The following PTK2B variants were observed in gnomAD, a reference collection of about 807,000 sequenced individuals.
PTK2B encodes protein tyrosine kinase 2 beta, also known as protein-tyrosine kinase 2-beta.
A neutral mutation model predicts 142.9 loss-of-function variants in PTK2B; 71 were observed. The ratio of observed to expected loss-of-function variants is 0.50; its 90% CI spans 0.41 to 0.61. The LOEUF (loss-of-function observed/expected upper bound fraction) is 0.61. Among genes scored for constraint, PTK2B ranks in the 20% least tolerant of loss-of-function variants. The pLI, the probability that PTK2B is intolerant of heterozygous loss-of-function variation, is 0.00. For synonymous variants in PTK2B, 519 were observed against 503.4 expected, an observed-to-expected ratio of 1.03 and a Z score of -0.42; for missense variants, 1,105 against 1,320.4, an observed-to-expected ratio of 0.84 and a Z score of 2.53.
At chr8:27,328,942 C>CTTTTT (rs147983841) in intron 1 of PTK2B, among the ~76,000 whole-genome samples, 2 of 145,952 alleles carry the variant, frequency 1.4e-5, no homozygotes, top group African/African-American at 2.5e-5. Context: ...TGCGTGCAAC[C>CTTTTT]TTTTTTTTTT....
intron 1 of PTK2B, 34 bp from the exon 2 acceptor site, chr8:27,397,513 GC>G (rs1481162124): frequency 4.6e-6 from 7 of 1,530,714 alleles, no homozygotes; most frequent in Non-Finnish European, 2.7e-6. Flanking sequence ...CCTGTGTGGG[GC>G]TCTTTCAGGG....
intron 1 of PTK2B, among the ~76,000 whole-genome samples, chr8:27,386,879 G>GTTTT (rs574920006): frequency 7.0e-6 from 1 of 142,240 alleles, no homozygotes; most frequent in African/African-American, 2.6e-5. Flanking sequence ...AGTACCTGAG[G>GTTTT]TTTTTTTTTT....
intron 5 of PTK2B, among the ~76,000 whole-genome samples, chr8:27,428,220 G>A (rs1810201794): frequency 6.6e-6 from 1 of 152,118 alleles, no homozygotes; most frequent in Admixed American, 6.5e-5. Context: ...TGGAGCTCAG[G>A]CAATATAGCA....
At chr8:27,362,286 C>T (rs1337533988) in intron 1 of PTK2B, among the ~76,000 whole-genome samples, 2 of 152,220 alleles carry the variant, frequency 1.3e-5, no homozygotes, top group African/African-American at 4.8e-5. Flanking sequence ...CCCCTCTCCA[C>T]TTCCTGGGCG....
intron 1 of PTK2B, among the ~76,000 whole-genome samples, chr8:27,383,163 A>G (rs895537761): frequency 2.6e-5 from 4 of 152,150 alleles, no homozygotes; most frequent in Non-Finnish European, 5.9e-5. Context: ...GGTCATTTTA[A>G]CAATATTAAT....
chr8:27,387,402 C>T (rs17447286), intron 1 of PTK2B, among the ~76,000 whole-genome samples: 55,534 of 152,106 alleles, frequency 0.37, 11,087 homozygotes, highest in Middle Eastern at 0.5. Context: ...CTTCCTCTAG[C>T]TGTTACATTT....
chr8:27,365,217 T>C (rs1805949054), intron 1 of PTK2B, among the ~76,000 whole-genome samples: 1 of 152,198 alleles, frequency 6.6e-6, no homozygotes, highest in Non-Finnish European at 1.5e-5. Flanking sequence ...TGCTGCGTGG[T>C]ATTATTTGAT....
intron 1 of PTK2B, among the ~76,000 whole-genome samples, chr8:27,387,416 C>G (rs922727556): frequency 1.3e-5 from 2 of 152,216 alleles, no homozygotes; most frequent in African/African-American, 4.8e-5. Context: ...TACATTTCTT[C>G]TTAACGTTGA....
chr8:27,392,456 G>C (rs990478375), intron 1 of PTK2B, among the ~76,000 whole-genome samples: 2 of 152,120 alleles, frequency 1.3e-5, no homozygotes, highest in Admixed American at 1.3e-4. Context: ...TATTGCTTAC[G>C]AGGAACTCTC....
At chr8:27,313,795 A>G (rs756876223) in intron 3 of PTK2B, among the ~76,000 whole-genome samples, 20 of 152,146 alleles carry the variant, frequency 1.3e-4, no homozygotes, top group Non-Finnish European at 2.2e-4. Flanking sequence ...CTGATTACCA[A>G]TCTCAAGTGT....
At position 27,430,871 on chromosome 8, in the gene PTK2B, C is replaced by G. The variant is rs748543865; in HGVS notation, c.670-5C>G. 3 of 1,613,370 alleles carry G rather than the reference C, an allele frequency of 1.9e-6. No individual in the cohort carries two copies. Among genetic ancestry groups the G allele is most frequent in the Non-Finnish European group, 2.5e-6 (3 of 1,179,558 alleles). On this transcript the variant is annotated splice_region_variant and splice_polypyrimidine_tract_variant and intron_variant, in intron 7 of 30. Transcript: ENST00000346049. ...ATTGCTCACACGGCCCATCCCCTCCCCCAGCCCAAACAGTTCCGGAAGATG... is the reference window on the plus strand; with the variant it reads ...ATTGCTCACACGGCCCATCCCCTCCGCCAGCCCAAACAGTTCCGGAAGATG...
rs200722309 is a variant in PTK2B, at chr8:27,431,484, C to A, written c.885+12C>A. On this transcript the variant is annotated intron_variant, in intron 9 of 30. Coordinates refer to ENST00000346049, the MANE Select transcript of PTK2B (RefSeq NM_173176.3). ...GTCAGGACGCAAAGGTAGAGAGACCCGGGGCAGCCCCACCCAGCCCCAGGC... is the reference window on the plus strand; with the variant it reads ...GTCAGGACGCAAAGGTAGAGAGACCAGGGGCAGCCCCACCCAGCCCCAGGC... The A allele has an allele frequency of 2.0e-5, 32 of 1,613,728 alleles. No homozygotes were observed. In the African/African-American group the frequency reaches 3.6e-4, roughly 18 times the overall value.
At chr8:27,319,421 T>G (rs1347243558) in intron 3 of PTK2B, among the ~76,000 whole-genome samples, 2 of 151,082 alleles carry the variant, frequency 1.3e-5, no homozygotes, top group Non-Finnish European at 2.9e-5. Flanking sequence ...GGCGGGAGGA[T>G]CACGAGGTCA....
At chr8:27,345,029 G>C (rs1214430171) in intron 1 of PTK2B, among the ~76,000 whole-genome samples, 1 of 152,160 alleles carries the variant, frequency 6.6e-6, no homozygotes, top group Non-Finnish European at 1.5e-5. Context: ...CAGACATGGT[G>C]GTGGGCACCT....
chr8:27,325,186 C>T (rs78335810), upstream of PTK2B, among the ~76,000 whole-genome samples: 3,019 of 152,244 alleles, frequency 0.02, 110 homozygotes, highest in African/African-American at 0.068. Flanking sequence ...GAGAACCAGC[C>T]TGAGAAGTTG....
chr8:27,367,403 C>T (rs1806081155), intron 1 of PTK2B, among the ~76,000 whole-genome samples: 1 of 152,154 alleles, frequency 6.6e-6, no homozygotes, highest in South Asian at 2.1e-4. Flanking sequence ...CTGAACAGCC[C>T]AGGTGCGGGG....
rs117154591 is a variant in PTK2B at position 27,448,427 on chromosome 8, A to G, written c.2341-2322A>G. On this transcript the variant is annotated intron_variant, in intron 24 of 30. Coordinates refer to ENST00000346049, the MANE Select transcript of PTK2B (RefSeq NM_173176.3). ...TTGGAGGCGCATTTCAGCAAAACCA[A>G]CCTCAAAGAGATTCCATTTTTTTGA... 3.1e-3 allele frequency among the ~76,000 whole-genome samples: 475 copies of G among 152,310 alleles called. 1 individual carries two copies. The highest frequency in any genetic ancestry group is 4.4e-3 in the Non-Finnish European group (297 of 68,028).
chr8:27,396,879 C>T (rs533276561), intron 1 of PTK2B, among the ~76,000 whole-genome samples: 17 of 152,206 alleles, frequency 1.1e-4, no homozygotes, highest in African/African-American at 3.9e-4. Context: ...CCCTTCCCTG[C>T]GGGGCTGCTG....
rs1434514337 is a variant in PTK2B, at chr8:27,346,734, T to C, written c.-38+21053T>C. Among the ~76,000 whole-genome samples, 8 of 152,232 alleles carry C rather than the reference T, an allele frequency of 5.3e-5. No homozygotes were observed. In the East Asian group the frequency reaches 1.5e-3, roughly 29 times the overall value. Reference sequence around the variant, plus strand: ...AAAGTCATCCAGCCCAAACTCCTCCTCATGGAGAAAGGTATCTTTTCCTTG... The same window carrying C: ...AAAGTCATCCAGCCCAAACTCCTCCCCATGGAGAAAGGTATCTTTTCCTTG... On this transcript the variant is annotated intron_variant, in intron 1 of 30. Transcript: ENST00000346049.
Sources: allele counts gnomAD v4.1 joint callset (sites outside exome capture counted in the v4.1 genomes callset), GRCh38; gene constraint gnomAD v4.1.1; transcripts MANE v1.5; gene names NCBI Gene and HGNC (gene_info 2026-07-23, HGNC 2026-07-21).